The following CFAP299 variants were observed in gnomAD, a reference collection of about 807,000 sequenced individuals.
CFAP299 encodes the protein cilia and flagella associated protein 299.
In CFAP299, 21 loss-of-function variants were observed where a neutral mutation model predicts 27.0. The ratio of observed to expected loss-of-function variants is 0.78; its 90% CI spans 0.55 to 1.12. CFAP299 has a LOEUF of 1.12. CFAP299 is among the 50% of genes most tolerant of loss of function. The pLI is 0.00. For missense variants in CFAP299, 310 were observed against 276.6 expected (o/e 1.12, Z -0.86); for synonymous variants, 104 against 98.1 (o/e 1.06, Z -0.36).
At chr4:80,759,819 A>G (rs1272038217) in intron 3 of CFAP299, among the ~76,000 whole-genome samples, 9 of 152,188 alleles carry the variant, frequency 5.9e-5, no homozygotes. Flanking sequence ...ACTAATTCCA[A>G]GACAAACTTT....
intron 2 of CFAP299, among the ~76,000 whole-genome samples, chr4:80,392,948 A>ATTTCCT (rs1409524747): frequency 6.6e-6 from 1 of 152,170 alleles, no homozygotes; most frequent in Non-Finnish European, 1.5e-5. Context: ...CCTTCAGGAA[A>ATTTCCT]TATTCCAGAA....
chr4:80,577,733 T>A (rs1735945863), intron 2 of CFAP299, among the ~76,000 whole-genome samples: 1 of 152,096 alleles, frequency 6.6e-6, no homozygotes, highest in Non-Finnish European at 1.5e-5. Context: ...TCAAACTTTG[T>A]TTGTTAGAAC....
At chr4:80,417,385 C>G (rs1423724997) in intron 2 of CFAP299, among the ~76,000 whole-genome samples, 1 of 152,046 alleles carries the variant, frequency 6.6e-6, no homozygotes, top group Non-Finnish European at 1.5e-5. Context: ...TGCCTAAGCT[C>G]CTGGGAATGC....
chr4:80,349,753 T>G (rs1388198777), intron 1 of CFAP299, among the ~76,000 whole-genome samples: 1 of 152,178 alleles, frequency 6.6e-6, no homozygotes, highest in African/African-American at 2.4e-5. Flanking sequence ...AAGGAGTATT[T>G]TCAAACACTT....
At chr4:80,477,442 G>C (rs1224152940) in intron 2 of CFAP299, among the ~76,000 whole-genome samples, 1 of 151,874 alleles carries the variant, frequency 6.6e-6, no homozygotes, top group African/African-American at 2.4e-5. Context: ...GCAACTCTTG[G>C]TCATTCAGTA....
chr4:80,431,943 T>C (rs1727835281), intron 2 of CFAP299, among the ~76,000 whole-genome samples: 1 of 152,186 alleles, frequency 6.6e-6, no homozygotes, highest in African/African-American at 2.4e-5. Context: ...AAGAGTTTGT[T>C]GTTCTCTATG....
At chr4:80,338,064 T>C (rs1560518751) in intron 1 of CFAP299, among the ~76,000 whole-genome samples, 1 of 152,142 alleles carries the variant, frequency 6.6e-6, no homozygotes, top group Non-Finnish European at 1.5e-5. Context: ...TCATGGATCA[T>C]GCTAAGTGAG....
intron 3 of CFAP299, among the ~76,000 whole-genome samples, chr4:80,610,715 G>A (rs1260424514): frequency 5.3e-5 from 8 of 152,082 alleles, no homozygotes; most frequent in East Asian, 3.9e-4. Context: ...AATCTACAAA[G>A]TTCCTTTCTA....
chr4:80,388,373 C>A, intron 2 of CFAP299: 1 of 681,564 alleles, frequency 1.5e-6, no homozygotes, highest in Non-Finnish European at 2.7e-6. Context: ...AGAGATCTGG[C>A]AATTGGCAGG....
chr4:80,952,298 A>C (rs970121477), intron 5 of CFAP299, among the ~76,000 whole-genome samples: 2 of 152,146 alleles, frequency 1.3e-5, no homozygotes, highest in African/African-American at 4.8e-5. Flanking sequence ...ATAATTCTTA[A>C]AAAAAATTGA....
intron 4 of CFAP299, among the ~76,000 whole-genome samples, chr4:80,890,118 G>A (rs1227808485): frequency 5.3e-5 from 8 of 152,066 alleles, no homozygotes; most frequent in Non-Finnish European, 1.0e-4. Flanking sequence ...AGTACTGGAA[G>A]TCCTAGCCAT....
intron 3 of CFAP299, among the ~76,000 whole-genome samples, chr4:80,771,375 C>A (rs62302211): frequency 6.6e-6 from 1 of 152,094 alleles, no homozygotes; most frequent in African/African-American, 2.4e-5. Flanking sequence ...ATATTTGGTA[C>A]AGACAAACTT....
intron 3 of CFAP299, among the ~76,000 whole-genome samples, chr4:80,635,742 G>A (rs1319006834): frequency 6.6e-6 from 1 of 152,088 alleles, no homozygotes; most frequent in Non-Finnish European, 1.5e-5. Context: ...GTTACACCAG[G>A]AATTTGGTAG....
At chr4:80,696,058 T>C (rs1177526705) in intron 3 of CFAP299, among the ~76,000 whole-genome samples, 1 of 152,002 alleles carries the variant, frequency 6.6e-6, no homozygotes, top group Non-Finnish European at 1.5e-5. Context: ...TCCCAGCACT[T>C]TGGGAGGCCG....
At chr4:80,811,563 T>G (rs1729154507) in intron 3 of CFAP299, among the ~76,000 whole-genome samples, 1 of 152,168 alleles carries the variant, frequency 6.6e-6, no homozygotes, top group Admixed American at 6.6e-5. Context: ...CTCTCTGTTT[T>G]GCAGCTACAG....
intron 2 of CFAP299, among the ~76,000 whole-genome samples, chr4:80,476,944 C>CGTGTGTGTGCGCATGCGTGTGTGTGT (rs1730303075): frequency 7.3e-6 from 1 of 137,710 alleles, no homozygotes; most frequent in Non-Finnish European, 1.5e-5. Context: ...TGTGTGTGTG[C>CGTGTGTGTGCGCATGCGTGTGTGTGT]GTGTGTGTGC....
At chr4:80,724,575 CT>C (rs1301093624) in intron 3 of CFAP299, among the ~76,000 whole-genome samples, 2 of 151,966 alleles carry the variant, frequency 1.3e-5, no homozygotes, top group Non-Finnish European at 2.9e-5. Context: ...TCGTCACTGA[CT>C]TTTTTTGGAA....
chr4:80,673,161 C>T (rs1741603806), intron 3 of CFAP299, among the ~76,000 whole-genome samples: 1 of 152,072 alleles, frequency 6.6e-6, no homozygotes, highest in South Asian at 2.1e-4. Flanking sequence ...CTATAAACTT[C>T]CCTCTACACA....
At chr4:80,775,155 G>A (rs1726457321) in intron 3 of CFAP299, among the ~76,000 whole-genome samples, 3 of 151,196 alleles carry the variant, frequency 2.0e-5, no homozygotes, top group Admixed American at 2.0e-4. Context: ...GCAAAACTAA[G>A]ACATAAACCT....
Sources: allele counts gnomAD v4.1 joint callset (sites outside exome capture counted in the v4.1 genomes callset), GRCh38; gene constraint gnomAD v4.1.1; transcripts MANE v1.5; gene names NCBI Gene and HGNC (gene_info 2026-07-23, HGNC 2026-07-21).